GCA: variants seen among roughly 807,000 people sequenced by gnomAD.
GCA encodes the protein grancalcin, EF-hand calcium-binding protein.
GCA carries 30 observed loss-of-function variants against 32.6 expected under a neutral mutation model. The ratio of observed to expected loss-of-function variants is 0.92; its 90% confidence interval spans 0.69 to 1.25. The LOEUF (loss-of-function observed/expected upper bound fraction) is 1.25. Ranked by LOEUF, GCA falls within the 50% of genes most tolerant of loss-of-function variation. The pLI, the probability that GCA is intolerant of heterozygous loss-of-function variation, is 0.00. For synonymous variants in GCA, 102 were observed against 84.6 expected (o/e 1.21, Z -1.13); for missense variants, 291 against 266.8 (o/e 1.09, Z -0.63).
rs1326723939 is a variant in GCA, at chr2:162,361,956, A to T, written c.*1713A>T. 4 of 983,376 alleles carry T rather than the reference A, an allele frequency of 4.1e-6. No homozygotes were observed. The highest frequency in any genetic ancestry group is 4.8e-6 in the Non-Finnish European group (4 of 828,388). 60.9% of individuals were successfully genotyped at this position (983,376 alleles called of 1,614,324 possible). ...GCGGTCGATTATGATTATCTCTCTTACTTGGAGGCTCACAGTTGAGGTAAA... is the reference window on the plus strand; with the variant it reads ...GCGGTCGATTATGATTATCTCTCTTTCTTGGAGGCTCACAGTTGAGGTAAA... On this transcript the variant is annotated 3_prime_UTR_variant, in exon 8 of 8. Coordinates refer to ENST00000437150, the MANE Select transcript of GCA (RefSeq NM_012198.5).
intron 1 of GCA, among the ~76,000 whole-genome samples, chr2:162,338,102 T>C (rs746199446): frequency 6.6e-6 from 1 of 152,240 alleles, no homozygotes; most frequent in Non-Finnish European, 1.5e-5. Context: ...TTTCACAAGA[T>C]TGTTGTGAAA....
At chr2:162,341,308 A>G (rs1684442034), upstream of GCA, among the ~76,000 whole-genome samples, 1 of 127,754 alleles carries the variant, frequency 7.8e-6, no homozygotes, top group Non-Finnish European at 1.7e-5. Flanking sequence ...TATGATTTAT[A>G]TGAGGCAAGT....
intron 1 of GCA, among the ~76,000 whole-genome samples, chr2:162,324,564 T>C (rs893077120): frequency 1.3e-5 from 2 of 152,204 alleles, no homozygotes; most frequent in African/African-American, 2.4e-5. Flanking sequence ...TGTGTCTGCC[T>C]GCTGGGGTCT....
Position 162,352,795 on chromosome 2 carries a change from A to G in GCA, c.262+388A>G, listed in dbSNP as rs1685068390. 2.0e-5 allele frequency among the ~76,000 whole-genome samples: 3 copies of G among 152,182 alleles called. No individual in the cohort carries two copies. The South Asian group carries it at 6.2e-4, about 31-fold the overall frequency. On this transcript the variant is annotated intron_variant, in intron 3 of 7. Transcript: ENST00000437150. ...CCCCTGTCTCTGCACTCCACAGAGG[A>G]ACATTTCCCATCCTCCTGTCCTTCC...
chr2:162,351,281 A>G (rs1684984918), intron 2 of GCA, among the ~76,000 whole-genome samples: 1 of 152,214 alleles, frequency 6.6e-6, no homozygotes, highest in Non-Finnish European at 1.5e-5. Flanking sequence ...TTTGTATTAT[A>G]GATAAGTAAG....
intron 5 of GCA, among the ~76,000 whole-genome samples, chr2:162,357,969 C>CTT (rs988229295): frequency 6.6e-6 from 1 of 151,604 alleles, no homozygotes; most frequent in African/African-American, 2.4e-5. Flanking sequence ...TCATAACTCT[C>CTT]TAATATGAAG....
At position 162,362,012 on chromosome 2, in the gene GCA, G is replaced by A. The variant is rs977055010; in HGVS notation, c.*1769G>A. 1.0e-6 allele frequency: 1 copy of A among 982,938 alleles called. No individual in the cohort carries two copies. The highest frequency in any genetic ancestry group is 4.7e-5 in the South Asian group (1 of 21,218). The allele number at this position is 982,938 out of a possible 1,614,324, so 60.9% of individuals were successfully genotyped here. A position where few individuals can be genotyped will look rare whatever the true frequency, so the allele number is the denominator to read the frequency against. On this transcript the variant is annotated 3_prime_UTR_variant, in exon 8 of 8. Coordinates refer to ENST00000437150, the MANE Select transcript of GCA (RefSeq NM_012198.5). ...TAAAATGACAAATGGTATTATTCAT[G>A]TAAGCTTCTGCCAGGTGACACTCTA...
intron 1 of GCA, among the ~76,000 whole-genome samples, chr2:162,332,020 A>G (rs983918435): frequency 6.6e-6 from 1 of 152,100 alleles, no homozygotes; most frequent in Admixed American, 6.6e-5. Flanking sequence ...TATAAAATAC[A>G]CAACTTCTGC....
intron 1 of GCA, among the ~76,000 whole-genome samples, chr2:162,331,159 AC>A (rs1684067401): frequency 6.6e-6 from 1 of 152,238 alleles, no homozygotes; most frequent in Admixed American, 6.5e-5. Context: ...AAAATGTGGC[AC>A]TAAATATACT....
At chr2:162,332,928 C>T (rs1278022682) in intron 1 of GCA, among the ~76,000 whole-genome samples, 1 of 152,072 alleles carries the variant, frequency 6.6e-6, no homozygotes, top group Non-Finnish European at 1.5e-5. Flanking sequence ...AAAAAGAGTA[C>T]ACTTTTTTTA....
chr2:162,346,606 A>C (rs1217421651), intron 1 of GCA: 2 of 152,256 alleles, frequency 1.3e-5, no homozygotes, highest in African/African-American at 4.8e-5. Flanking sequence ...GCTATGAAAA[A>C]GTGGAAGAGC....
intron 2 of GCA, among the ~76,000 whole-genome samples, chr2:162,350,346 A>G (rs1684928975): frequency 6.6e-6 from 1 of 152,184 alleles, no homozygotes; most frequent in African/African-American, 2.4e-5. Context: ...GGGAATGTGG[A>G]AAAATGTAGA....
intron 1 of GCA, among the ~76,000 whole-genome samples, chr2:162,321,323 C>G (rs1683655646): frequency 6.6e-6 from 1 of 152,194 alleles, no homozygotes; most frequent in African/African-American, 2.4e-5. Flanking sequence ...GGCAGGAGAT[C>G]CTGCTGAACT....
At chr2:162,371,971 A>G (rs768921396), downstream of GCA, 1 of 1,613,866 alleles carries the variant, frequency 6.2e-7, no homozygotes, top group Non-Finnish European at 8.5e-7. Flanking sequence ...CTCTAAAGAG[A>G]GATCACTGTC....
chr2:162,322,108 T>A (rs1290095328), intron 1 of GCA, among the ~76,000 whole-genome samples: 2 of 149,936 alleles, frequency 1.3e-5, no homozygotes, highest in South Asian at 2.1e-4. Flanking sequence ...AGAAAAAAAA[T>A]TATGGCTAAG....
At chr2:162,347,968 A>G (rs1235280836) in intron 2 of GCA, among the ~76,000 whole-genome samples, 4 of 152,108 alleles carry the variant, frequency 2.6e-5, no homozygotes, top group Non-Finnish European at 4.4e-5. Flanking sequence ...AAGAGGAAAC[A>G]TTGTTTTCCA....
chr2:162,351,146 T>C (rs1157377166), intron 2 of GCA, among the ~76,000 whole-genome samples: 2 of 152,338 alleles, frequency 1.3e-5, no homozygotes, highest in South Asian at 2.1e-4. Flanking sequence ...TTGGGGAAAT[T>C]CTGGTTTCTG....
At chr2:162,365,037 A>C (rs1352608873), downstream of GCA, among the ~76,000 whole-genome samples, 1 of 151,510 alleles carries the variant, frequency 6.6e-6, no homozygotes, top group African/African-American at 2.4e-5. Flanking sequence ...GCACTGTTAC[A>C]TGTGATTTCA....
chr2:162,322,735 A>G (rs1264021512), intron 1 of GCA, among the ~76,000 whole-genome samples: 6 of 151,016 alleles, frequency 4.0e-5, no homozygotes, highest in Admixed American at 3.3e-4. Context: ...AAGGACATGA[A>G]CTCATCATTT....
Sources: gnomAD v4.1 joint callset for allele counts (sites outside exome capture counted in the v4.1 genomes callset) on GRCh38, gnomAD v4.1.1 for gene constraint, MANE v1.5 for transcripts, NCBI Gene and HGNC (gene_info 2026-07-23, HGNC 2026-07-21) for gene names.